BEAN1: variants seen among roughly 807,000 people sequenced by gnomAD.
The protein encoded by BEAN1 is protein BEAN1.
A neutral mutation model predicts 17.7 loss-of-function variants in BEAN1; 17 were observed. The ratio of observed to expected loss-of-function variants is 0.96; its 90% CI spans 0.66 to 1.44. The LOEUF (loss-of-function observed/expected upper bound fraction) is 1.44, where lower values mean the gene tolerates loss of function less well. Among genes scored for constraint, BEAN1 ranks in the 40% most tolerant of loss-of-function variants. The pLI is 0.00. For synonymous variants in BEAN1, 142 were observed against 151.8 expected (o/e 0.94, Z 0.47); for missense variants, 359 against 374.1 (o/e 0.96, Z 0.33).
chr16:66,468,354 G>A (rs35095902), intron 2 of BEAN1, among the ~76,000 whole-genome samples: 18 of 152,236 alleles, frequency 1.2e-4, no homozygotes, highest in African/African-American at 4.1e-4. Context: ...TGGGCTCTGG[G>A]AGAACGTGCA....
Position 66,490,404 on chromosome 16 carries a change from T to C in BEAN1, c.148-2558T>C, listed in dbSNP as rs533233935. ...AAAACAAGACTCTGTTTCAATAAAA[T>C]AAAATAAAATAAAATAAAATAAAAT... is the stretch of plus-strand genomic sequence containing the variant. On this transcript the variant is annotated intron_variant, in intron 4 of 4. Coordinates refer to the BEAN1 transcript ENST00000561796. 1.3e-4 allele frequency among the ~76,000 whole-genome samples: 13 copies of C among 102,950 alleles called. No individual in the cohort carries two copies. In the South Asian group the frequency reaches 1.3e-3, roughly 10 times the overall value. 67.5% of individuals were successfully genotyped at this position (102,950 alleles called of 152,430 possible).
At chr16:66,453,804 G>C (rs1962768063) in intron 2 of BEAN1, among the ~76,000 whole-genome samples, 1 of 151,986 alleles carries the variant, frequency 6.6e-6, no homozygotes, top group Non-Finnish European at 1.5e-5. Context: ...CACAATCTCA[G>C]CTCATTGCAA....
chr16:66,439,228 G>A (rs1038014883), intron 2 of BEAN1, among the ~76,000 whole-genome samples: 1 of 152,148 alleles, frequency 6.6e-6, no homozygotes, highest in Non-Finnish European at 1.5e-5. Flanking sequence ...GCTGCTCTGG[G>A]TACCCGAGGA....
intron 2 of BEAN1, among the ~76,000 whole-genome samples, chr16:66,451,530 A>C (rs1197577933): frequency 6.6e-6 from 1 of 152,174 alleles, no homozygotes; most frequent in East Asian, 1.9e-4. Context: ...ATGTTCTCTG[A>C]TGTTTTCCAC....
chr16:66,448,164 C>T (rs145238889), intron 2 of BEAN1, among the ~76,000 whole-genome samples: 1 of 152,212 alleles, frequency 6.6e-6, no homozygotes, highest in Non-Finnish European at 1.5e-5. Flanking sequence ...TGAACATCTA[C>T]AGCAAGAACC....
chr16:66,475,562 C>T (rs1963703376), intron 3 of BEAN1: 1 of 152,212 alleles, frequency 6.6e-6, no homozygotes, highest in South Asian at 2.1e-4. Context: ...GGGTACCTGG[C>T]ACCCAAGCCC....
At chr16:66,461,580 A>G (rs943509735) in intron 2 of BEAN1, among the ~76,000 whole-genome samples, 4 of 108,516 alleles carry the variant, frequency 3.7e-5, no homozygotes, top group African/African-American at 1.7e-4. Flanking sequence ...ACACACACAC[A>G]CACACACACA....
At chr16:66,458,562 G>A (rs1210980327) in intron 2 of BEAN1, among the ~76,000 whole-genome samples, 3 of 141,128 alleles carry the variant, frequency 2.1e-5, no homozygotes, top group Admixed American at 7.1e-5. Context: ...CCAGTTCTCC[G>A]GCCCCCACCC....
chr16:66,446,695 C>A (rs184464170), intron 2 of BEAN1, among the ~76,000 whole-genome samples: 5 of 152,006 alleles, frequency 3.3e-5, no homozygotes, highest in African/African-American at 1.2e-4. Flanking sequence ...TGGTGAAGGG[C>A]AAAATGATTT....
chr16:66,442,448 GGAA>G (rs1962292967), intron 2 of BEAN1, among the ~76,000 whole-genome samples: 1 of 152,324 alleles, frequency 6.6e-6, no homozygotes, highest in African/African-American at 2.4e-5. Context: ...TAGTAAAGCA[GGAA>G]GAAGAAGGGT....
chr16:66,443,069 G>A (rs113879594), intron 2 of BEAN1, among the ~76,000 whole-genome samples: 315 of 152,120 alleles, frequency 2.1e-3, no homozygotes, highest in Non-Finnish European at 3.0e-3. Flanking sequence ...CTAATCAATT[G>A]TAGCACTCTT....
Position 66,480,899 on chromosome 16 carries a change from GC to G in BEAN1, c.756del (p.Ser253LeufsTer26). 1 of 1,464,428 alleles carries G rather than the reference GC, an allele frequency of 6.8e-7. No homozygotes were observed. Among genetic ancestry groups the G allele is most frequent in the South Asian group, 1.4e-5 (1 of 71,056 alleles). 90.7% of individuals were successfully genotyped at this position (1,464,428 alleles called of 1,614,324 possible). ...QGSPTPTRAP[A>X]SGPERIV ...CTCACCCACCCCAACCCGGGCCCCAGCCTCTGGCCCAGAGAGGATTGTGTGA... is the reference window on the plus strand; with the variant it reads ...CTCACCCACCCCAACCCGGGCCCCAGCTCTGGCCCAGAGAGGATTGTGTGA... On this transcript the variant is annotated frameshift_variant, in exon 5 of 5. Transcript: ENST00000536005. LOFTEE classifies it high-confidence loss of function.
At chr16:66,454,743 T>TC (rs1288575192) in intron 2 of BEAN1, among the ~76,000 whole-genome samples, 1 of 150,644 alleles carries the variant, frequency 6.6e-6, no homozygotes, top group East Asian at 1.9e-4. Context: ...TTTTTTTTTT[T>TC]TTTTTTGCTT....
chr16:66,444,350 G>A (rs1326719773), intron 2 of BEAN1, among the ~76,000 whole-genome samples: 1 of 152,190 alleles, frequency 6.6e-6, no homozygotes, highest in Non-Finnish European at 1.5e-5. Flanking sequence ...GGGCAAGTGA[G>A]GGCTGCAGGC....
At chr16:66,433,839 C>T (rs1366342480) in intron 1 of BEAN1, among the ~76,000 whole-genome samples, 2 of 152,244 alleles carry the variant, frequency 1.3e-5, no homozygotes, top group African/African-American at 4.8e-5. Flanking sequence ...AGGCTGGCCG[C>T]TCCTGGGGCC....
chr16:66,493,976 TCACTC>T (rs1388615304), downstream of BEAN1, among the ~76,000 whole-genome samples: 27 of 151,836 alleles, frequency 1.8e-4, no homozygotes, highest in Admixed American at 1.6e-3. Context: ...GAAAGTGGAG[TCACTC>T]CATTCTGGAG....
chr16:66,442,514 T>C (rs1242866123), intron 2 of BEAN1, among the ~76,000 whole-genome samples: 1 of 152,070 alleles, frequency 6.6e-6, no homozygotes, highest in Non-Finnish European at 1.5e-5. Flanking sequence ...TTGTCTCTGC[T>C]GGGCTCATGG....
downstream of BEAN1, among the ~76,000 whole-genome samples, chr16:66,494,468 G>A (rs1287797862): frequency 6.6e-6 from 1 of 152,068 alleles, no homozygotes; most frequent in African/African-American, 2.4e-5. Context: ...GCCCATCAGA[G>A]ACCGACCCAG....
At position 66,473,769 on chromosome 16, in the gene BEAN1, A is replaced by G. The variant is rs1190831674; in HGVS notation, c.290-3791A>G. Among the ~76,000 whole-genome samples, 1 of 152,060 alleles carries G rather than the reference A, an allele frequency of 6.6e-6. No individual in the cohort carries two copies. The highest frequency in any genetic ancestry group is 2.4e-5 in the African/African-American group (1 of 41,380). On this transcript the variant is annotated intron_variant, in intron 3 of 4. Coordinates refer to ENST00000536005, the MANE Select transcript of BEAN1 (RefSeq NM_001178020.3). This position sits in a 1 kb window ranked among gnomAD's most constrained non-coding sequence, Gnocchi z 4.5. ...AGGGGCAGTGTACCAGTGAACCCCA[A>G]CCTTTGGCACTGGGCCCCTTCCACC...
Sources: gnomAD v4.1 joint callset for allele counts (sites outside exome capture counted in the v4.1 genomes callset) on GRCh38, gnomAD v4.1.1 for gene constraint, Gnocchi (gnomAD v3.1) non-coding constraint, MANE v1.5 for transcripts, NCBI Gene and HGNC (gene_info 2026-07-23, HGNC 2026-07-21) for gene names.